HDAC9: variants seen among roughly 807,000 people sequenced by gnomAD.
HDAC9 encodes MEF-2 interacting transcription repressor (MITR) protein.
Under a neutral mutation model 139.4 loss-of-function variants are expected in HDAC9, and 41 were observed. The observed-to-expected ratio is 0.29, with a 90% CI of 0.23 to 0.38. The LOEUF (loss-of-function observed/expected upper bound fraction) is 0.38, where lower values mean the gene tolerates loss of function less well. Among genes scored for constraint, HDAC9 ranks in the 10% least tolerant of loss-of-function variants. The probability of loss-of-function intolerance (pLI) is 1.00; values close to 1 mark genes in which losing one functional copy is unlikely to be tolerated. For missense variants in HDAC9, 1,147 were observed against 1,297.0 expected, an observed-to-expected ratio of 0.88 and a Z score of 1.78; for synonymous variants, 517 against 476.2, an observed-to-expected ratio of 1.09 and a Z score of -1.12.
At chr7:18,843,398 CA>C (rs1390908198) in intron 21 of HDAC9, among the ~76,000 whole-genome samples, 9 of 151,968 alleles carry the variant, frequency 5.9e-5, no homozygotes, top group African/African-American at 2.2e-4. Context: ...GAGCTTACGT[CA>C]ATTCATTGAC....
At chr7:18,832,944 C>T (rs1390679744) in intron 19 of HDAC9, among the ~76,000 whole-genome samples, 2 of 152,080 alleles carry the variant, frequency 1.3e-5, no homozygotes, top group Non-Finnish European at 2.9e-5. Flanking sequence ...CCATGTAGGT[C>T]AGGCTGGTCT....
chr7:18,866,257 T>C (rs1798486870), intron 21 of HDAC9, among the ~76,000 whole-genome samples: 1 of 151,834 alleles, frequency 6.6e-6, no homozygotes, highest in Non-Finnish European at 1.5e-5. Flanking sequence ...CTTCTCTAGG[T>C]ACCCCTGTCT....
In HDAC9 at chr7:18,393,137, T is replaced by TAA. The variant is rs1554402500; in HGVS notation, c.-42+102628_-42+102629dup. Among the ~76,000 whole-genome samples, 1,116 of 127,568 alleles carry TAA rather than the reference T, an allele frequency of 8.7e-3. 18 individuals carry two copies. Among genetic ancestry groups the TAA allele is most frequent in the African/African-American group, 0.027 (1,050 of 38,586 alleles). The allele number at this position is 127,568 out of a possible 152,430, so 83.7% of individuals were successfully genotyped here. Reference sequence around the variant, plus strand: ...TTAGATAAAATGGATTTTTTTTTTTTAAAAAAACATAAATTGGCTCAAGAT... The same window carrying TAA: ...TTAGATAAAATGGATTTTTTTTTTTTAAAAAAAAACATAAATTGGCTCAAGAT... On this transcript the variant is annotated intron_variant, in intron 1 of 3. Transcript: ENST00000413509.
At chr7:18,724,084 T>G (rs1785344886) in intron 12 of HDAC9, among the ~76,000 whole-genome samples, 1 of 152,184 alleles carries the variant, frequency 6.6e-6, no homozygotes, top group African/African-American at 2.4e-5. Flanking sequence ...CTCCTTGCAT[T>G]TGTCACCTGG....
intron 2 of HDAC9, among the ~76,000 whole-genome samples, chr7:18,181,298 A>G (rs1371552207): frequency 6.6e-6 from 1 of 152,198 alleles, no homozygotes; most frequent in African/African-American, 2.4e-5. Context: ...TATGTGCCAG[A>G]CACTGTTCTA....
rs1435316133 is a variant in HDAC9 at position 18,625,722 on chromosome 7, A to G, written c.665-3628A>G. On this transcript the variant is annotated intron_variant, in intron 6 of 25. Transcript: ENST00000686413. The stretch of plus-strand genomic sequence containing the variant: ...CACTTTGGGAGGCCGAGGCGAGTGG[A>G]TCACCTGAGGTCAGGAGTTCGAGAC... Among the ~76,000 whole-genome samples, 5 of 152,042 alleles carry G rather than the reference A, an allele frequency of 3.3e-5. No homozygotes were observed. The East Asian group carries it at 7.7e-4, about 24-fold the overall frequency.
chr7:18,832,798 C>T lies in HDAC9; in HGVS notation c.2467-2669C>T, dbSNP rs112581320. On this transcript the variant is annotated intron_variant, in intron 19 of 25. Transcript: ENST00000686413. ...TTGCCCAGGCTGGAGTGCAATGGCA[C>T]GATCTCGGCTCACCGCAACCTCCAC... Among the ~76,000 whole-genome samples, 543 of 152,156 alleles carry T rather than the reference C, an allele frequency of 3.6e-3. 2 individuals are homozygous for T. The highest frequency in any genetic ancestry group is 0.012 in the African/African-American group (509 of 41,512).
chr7:18,221,256 C>T (rs1262357791), intron 2 of HDAC9, among the ~76,000 whole-genome samples: 1 of 152,020 alleles, frequency 6.6e-6, no homozygotes. Context: ...CAGGGGCCCG[C>T]CGCCATGCCT....
In HDAC9 at chr7:18,473,090, C is replaced by G. The variant is rs1794845625; in HGVS notation, c.-41-23172C>G. On this transcript the variant is annotated intron_variant, in intron 1 of 3. Transcript: ENST00000413509. ...TTTTCAGACTGTGGGGAGCTGAGATCACTGGCCTTGCTGAATCTCTGGTCC... is the reference window on the plus strand; with the variant it reads ...TTTTCAGACTGTGGGGAGCTGAGATGACTGGCCTTGCTGAATCTCTGGTCC... Among the ~76,000 whole-genome samples, 3 of 152,194 alleles carry G rather than the reference C, an allele frequency of 2.0e-5. No homozygotes were observed. In the South Asian group the frequency reaches 6.2e-4, roughly 32 times the overall value.
intron 12 of HDAC9, among the ~76,000 whole-genome samples, chr7:18,672,999 C>T (rs1018798326): frequency 6.6e-6 from 1 of 152,002 alleles, no homozygotes; most frequent in East Asian, 1.9e-4. Context: ...TGAAATGTTA[C>T]AATCTTGATG....
In HDAC9 at chr7:18,818,934, T is replaced by C. The variant is rs1333792462; in HGVS notation, c.2323-10227T>C. 1.1e-3 allele frequency among the ~76,000 whole-genome samples: 161 copies of C among 152,286 alleles called. 3 individuals are homozygous for C. The highest frequency in any genetic ancestry group is 1.9e-4 in the Non-Finnish European group (13 of 68,012). On this transcript the variant is annotated intron_variant, in intron 17 of 25. Transcript: ENST00000686413. The stretch of plus-strand genomic sequence containing the variant: ...TCATATTAATTTGCACTTTCTTATT[T>C]TCTGTACCTATCCTTGCCATAGCAA...
chr7:18,841,250 A>T (rs1027742593), intron 21 of HDAC9, among the ~76,000 whole-genome samples: 1 of 152,090 alleles, frequency 6.6e-6, no homozygotes, highest in Non-Finnish European at 1.5e-5. Flanking sequence ...GACCACAAGT[A>T]AATATTTGCA....
At chr7:18,578,951 A>C (rs1252866068) in intron 2 of HDAC9, among the ~76,000 whole-genome samples, 1 of 152,236 alleles carries the variant, frequency 6.6e-6, no homozygotes, top group East Asian at 1.9e-4. Flanking sequence ...AGTATTGAGT[A>C]TTGCTATAGG....
At chr7:18,568,013 G>T (rs529172439) in intron 2 of HDAC9, among the ~76,000 whole-genome samples, 42 of 78,184 alleles carry the variant, frequency 5.4e-4, no homozygotes, top group African/African-American at 2.4e-3. Flanking sequence ...ATACATACAG[G>T]ATATATGTAT....
intron 21 of HDAC9, among the ~76,000 whole-genome samples, chr7:18,855,228 C>G (rs1340776375): frequency 6.6e-6 from 1 of 152,020 alleles, no homozygotes; most frequent in Non-Finnish European, 1.5e-5. Flanking sequence ...CACTAAATTA[C>G]GTGCAGCAGA....
At chr7:18,917,830 C>G (rs1294187282) in intron 22 of HDAC9, among the ~76,000 whole-genome samples, 1 of 151,958 alleles carries the variant, frequency 6.6e-6, no homozygotes, top group Non-Finnish European at 1.5e-5. Context: ...GCCCCCAAAT[C>G]TATGCTCTTA....
At chr7:18,835,695 A>T in intron 20 of HDAC9, 109 bp downstream of exon 20, 2 of 1,426,992 alleles carry the variant, frequency 1.4e-6, no homozygotes, top group Non-Finnish European at 2.0e-6. Context: ...AAATTACACG[A>T]GATTACTGAA....
intron 2 of HDAC9, among the ~76,000 whole-genome samples, chr7:18,553,684 G>T (rs1382018115): frequency 6.6e-6 from 1 of 152,132 alleles, no homozygotes; most frequent in Non-Finnish European, 1.5e-5. Flanking sequence ...TTTTCTCCCC[G>T]AGGCAAATAA....
At chr7:18,794,679 G>C in intron 17 of HDAC9, among the ~76,000 whole-genome samples, 1 of 152,192 alleles carries the variant, frequency 6.6e-6, no homozygotes, top group East Asian at 1.9e-4. Context: ...CTGTGGAGAG[G>C]TTTTGGCTAT....
Sources: allele counts gnomAD v4.1 joint callset (sites outside exome capture counted in the v4.1 genomes callset), GRCh38; gene constraint gnomAD v4.1.1; transcripts MANE v1.5; gene names NCBI Gene and HGNC (gene_info 2026-07-23, HGNC 2026-07-21).